The following MIR2052HG variants were observed in gnomAD, a reference collection of about 807,000 sequenced individuals.
The protein encoded by MIR2052HG is MIR2052 host gene.
intron 4 of MIR2052HG, among the ~76,000 whole-genome samples, chr8:74,724,854 C>CA (rs1049765348): frequency 6.7e-6 from 1 of 149,764 alleles, no homozygotes; most frequent in Non-Finnish European, 1.5e-5. Flanking sequence ...GTATTATGGA[C>CA]TTTTTTTTTT....
At chr8:74,692,381 A>G (rs975704937) in intron 2 of MIR2052HG, among the ~76,000 whole-genome samples, 3 of 152,188 alleles carry the variant, frequency 2.0e-5, no homozygotes, top group Non-Finnish European at 2.9e-5. Context: ...GAACATTTCA[A>G]TTGCATTCAG....
intron 4 of MIR2052HG, among the ~76,000 whole-genome samples, chr8:74,731,716 C>G (rs1224440643): frequency 6.6e-6 from 1 of 152,118 alleles, no homozygotes; most frequent in Non-Finnish European, 1.5e-5. Flanking sequence ...CTATATGATG[C>G]TGTACCCTCA....
chr8:74,600,619 A>G (rs1807984251), intron 1 of MIR2052HG, among the ~76,000 whole-genome samples: 1 of 150,366 alleles, frequency 6.7e-6, no homozygotes, highest in Admixed American at 6.6e-5. Context: ...CTCTGTCAGC[A>G]GGCTGGAGTG....
rs143416773 is a variant in MIR2052HG at position 74,638,310 on chromosome 8, G to A, written n.216+25370G>A. 4.5e-3 allele frequency among the ~76,000 whole-genome samples: 684 copies of A among 152,164 alleles called. 2 individuals carry two copies. Among genetic ancestry groups the A allele is most frequent in the Non-Finnish European group, 7.1e-3 (482 of 68,000 alleles). Reference sequence around the variant, plus strand: ...ATGAGAGAGAAATGAGAGCTAGAAGGGGCCAGTTGCAGAAGGCTTTGTACA... The same window carrying A: ...ATGAGAGAGAAATGAGAGCTAGAAGAGGCCAGTTGCAGAAGGCTTTGTACA... On this transcript the variant is annotated intron_variant and non_coding_transcript_variant, in intron 2 of 6. Coordinates refer to ENST00000523442, the Ensembl canonical transcript of MIR2052HG.
intron 2 of MIR2052HG, among the ~76,000 whole-genome samples, chr8:74,627,998 C>T (rs371892629): frequency 2.0e-5 from 3 of 152,128 alleles, no homozygotes; most frequent in Non-Finnish European, 4.4e-5. Context: ...AAGGATTGTG[C>T]TCTCCTTTTC....
At chr8:74,626,085 C>T (rs1051075072) in intron 2 of MIR2052HG, among the ~76,000 whole-genome samples, 17 of 152,178 alleles carry the variant, frequency 1.1e-4, no homozygotes, top group African/African-American at 3.4e-4. Flanking sequence ...TCCAGCAGCC[C>T]TCTCTACAAT....
intron 2 of MIR2052HG, among the ~76,000 whole-genome samples, chr8:74,679,379 G>A (rs904120240): frequency 3.9e-5 from 6 of 151,968 alleles, no homozygotes; most frequent in Non-Finnish European, 7.4e-5. Flanking sequence ...TTCTTTTACA[G>A]TAATGGTCTC....
chr8:74,736,166 CTGAGTCCCT>C (rs1809743028), intron 4 of MIR2052HG, among the ~76,000 whole-genome samples: 1 of 152,154 alleles, frequency 6.6e-6, no homozygotes, highest in Non-Finnish European at 1.5e-5. Flanking sequence ...GACACAGTCC[CTGAGTCCCT>C]TGACTCCCAA....
At chr8:74,643,071 G>A in intron 2 of MIR2052HG, among the ~76,000 whole-genome samples, 1 of 152,166 alleles carries the variant, frequency 6.6e-6, no homozygotes, top group Non-Finnish European at 1.5e-5. Flanking sequence ...TTTTCAGATA[G>A]ACACATATGT....
intron 1 of MIR2052HG, among the ~76,000 whole-genome samples, chr8:74,602,849 C>CTTTCTTTCTTTCTTTCTTTCTTTCT (rs1563508605): frequency 7.0e-6 from 1 of 142,734 alleles, no homozygotes; most frequent in Non-Finnish European, 1.5e-5. Context: ...TTCTTTCTTT[C>CTTTCTTTCTTTCTTTCTTTCTTTCT]TTTCTTTCTT....
chr8:74,655,420 T>G (rs1808795066), intron 2 of MIR2052HG, among the ~76,000 whole-genome samples: 1 of 151,526 alleles, frequency 6.6e-6, no homozygotes, highest in South Asian at 2.1e-4. Flanking sequence ...TGGCCCAGGG[T>G]CCCCATGCTG....
At chr8:74,616,248 A>G (rs1217468042) in intron 2 of MIR2052HG, among the ~76,000 whole-genome samples, 3 of 151,520 alleles carry the variant, frequency 2.0e-5, no homozygotes, top group Admixed American at 6.6e-5. Flanking sequence ...AAGTGTTCCT[A>G]TTTCTCCACA....
chr8:74,674,544 CT>C (rs1419484972), intron 2 of MIR2052HG, among the ~76,000 whole-genome samples: 2 of 151,800 alleles, frequency 1.3e-5, no homozygotes, highest in Non-Finnish European at 1.5e-5. Context: ...TTCATTTTTC[CT>C]ACCAAAAAAT....
At chr8:74,707,899 G>A (rs1809427574) in intron 4 of MIR2052HG, among the ~76,000 whole-genome samples, 1 of 152,118 alleles carries the variant, frequency 6.6e-6, no homozygotes, top group South Asian at 2.1e-4. Context: ...AAGGCACCCA[G>A]GAGGTGCTTA....
chr8:74,727,928 G>A (rs1809653570), intron 4 of MIR2052HG, among the ~76,000 whole-genome samples: 1 of 150,776 alleles, frequency 6.6e-6, no homozygotes, highest in Admixed American at 6.6e-5. Flanking sequence ...GGAGTTCATT[G>A]TGCATGTAGG....
chr8:74,693,077 G>C (rs186368786), intron 2 of MIR2052HG, among the ~76,000 whole-genome samples: 1 of 152,266 alleles, frequency 6.6e-6, no homozygotes, highest in African/African-American at 2.4e-5. Flanking sequence ...CAGACACATG[G>C]TATGTGGCGT....
chr8:74,708,873 G>T (rs1809437005), intron 4 of MIR2052HG, among the ~76,000 whole-genome samples: 2 of 151,654 alleles, frequency 1.3e-5, no homozygotes, highest in African/African-American at 4.8e-5. Context: ...TTTTAAAAGT[G>T]CATGGCATAT....
chr8:74,611,538 C>G (rs1173772132), intron 1 of MIR2052HG, among the ~76,000 whole-genome samples: 1 of 152,118 alleles, frequency 6.6e-6, no homozygotes, highest in Non-Finnish European at 1.5e-5. Flanking sequence ...TTAACATCCC[C>G]TGCTGTAATG....
intron 4 of MIR2052HG, among the ~76,000 whole-genome samples, chr8:74,737,297 C>T (rs755489912): frequency 5.9e-5 from 9 of 152,078 alleles, no homozygotes; most frequent in Non-Finnish European, 1.0e-4. Context: ...ATAAAGTGAG[C>T]GTGAAGTGGC....
Sources: allele counts gnomAD v4.1 joint callset (sites outside exome capture counted in the v4.1 genomes callset), GRCh38; gene constraint gnomAD v4.1.1; transcripts MANE v1.5; gene names NCBI Gene and HGNC (gene_info 2026-07-23, HGNC 2026-07-21).